Variants in NRG3 observed in about 807,000 individuals in gnomAD.
NRG3 encodes the protein neuregulin 3.
In NRG3, 31 loss-of-function variants were observed where a neutral mutation model predicts 66.9. The observed-to-expected ratio is 0.46, with a 90% CI of 0.35 to 0.63. NRG3 has a LOEUF of 0.63. Among genes scored for constraint, NRG3 ranks in the 20% least tolerant of loss-of-function variants. The pLI, the probability that NRG3 is intolerant of heterozygous loss-of-function variation, is 0.00. For missense variants in NRG3, 910 were observed against 878.9 expected (o/e 1.04, Z -0.45); for synonymous variants, 393 against 359.4 (o/e 1.09, Z -1.06).
At chr10:82,800,290 C>G (rs557494682) in intron 3 of NRG3, among the ~76,000 whole-genome samples, 2 of 152,314 alleles carry the variant, frequency 1.3e-5, no homozygotes, top group East Asian at 3.9e-4. Context: ...AGACATCTTA[C>G]ATTTGGTTAG....
At chr10:82,406,982 G>A (rs758472989) in intron 2 of NRG3, among the ~76,000 whole-genome samples, 41 of 151,712 alleles carry the variant, frequency 2.7e-4, no homozygotes, top group Non-Finnish European at 5.2e-4. Context: ...CATATCCAGG[G>A]TGTCTATAAA....
intron 1 of NRG3, among the ~76,000 whole-genome samples, chr10:82,164,075 C>A (rs1476539082): frequency 1.3e-5 from 2 of 151,912 alleles, no homozygotes; most frequent in Non-Finnish European, 2.9e-5. Context: ...CATGCACCAC[C>A]ATGTCTGGCT....
intron 2 of NRG3, among the ~76,000 whole-genome samples, chr10:82,635,625 G>A (rs561367942): frequency 3.9e-5 from 6 of 152,184 alleles, no homozygotes; most frequent in South Asian, 2.1e-4. Flanking sequence ...ATCTGTCCTC[G>A]ACGTAGCAGA....
At chr10:82,525,216 A>C (rs540869021) in intron 2 of NRG3, among the ~76,000 whole-genome samples, 6 of 151,938 alleles carry the variant, frequency 3.9e-5, no homozygotes, top group Non-Finnish European at 8.8e-5. Context: ...GGTACCTAAA[A>C]AAGTAAGTAG....
intron 2 of NRG3, among the ~76,000 whole-genome samples, chr10:82,625,143 T>C (rs1236229267): frequency 2.0e-5 from 3 of 151,990 alleles, no homozygotes; most frequent in South Asian, 4.1e-4. Flanking sequence ...CAACCCCATT[T>C]TAAAATGCCA....
At position 82,640,790 on chromosome 10, in the gene NRG3, G is replaced by C. The variant is rs527382616; in HGVS notation, c.954-97787G>C. Among the ~76,000 whole-genome samples the C allele has an allele frequency of 3.5e-4, 54 of 152,224 alleles. 1 individual carries two copies. In the South Asian group the frequency reaches 0.011, roughly 32 times the overall value. ...GTTAATTCATTAAGCTCTACTTCAAGTGGTAGATAAATAAGGTGCATTATT... is the reference window on the plus strand; with the variant it reads ...GTTAATTCATTAAGCTCTACTTCAACTGGTAGATAAATAAGGTGCATTATT... On this transcript the variant is annotated intron_variant, in intron 2 of 8. Coordinates refer to ENST00000372141, the MANE Select transcript of NRG3 (RefSeq NM_001010848.4).
chr10:82,719,151 T>C (rs2057146827), intron 2 of NRG3, among the ~76,000 whole-genome samples: 1 of 152,134 alleles, frequency 6.6e-6, no homozygotes, highest in African/African-American at 2.4e-5. Flanking sequence ...AATGGGAGTG[T>C]GTATACCTGT....
chr10:82,894,735 A>AT (rs946536317), intron 4 of NRG3, among the ~76,000 whole-genome samples: 43 of 150,524 alleles, frequency 2.9e-4, no homozygotes, highest in Admixed American at 2.0e-3. Context: ...CTCTACAATA[A>AT]TTTTTTTTTT....
At chr10:82,288,793 G>A (rs1293339652) in intron 1 of NRG3, among the ~76,000 whole-genome samples, 1 of 152,184 alleles carries the variant, frequency 6.6e-6, no homozygotes, top group Non-Finnish European at 1.5e-5. Context: ...GCACATCGGA[G>A]CATGCTGACT....
At chr10:82,174,276 A>G (rs1344839654) in intron 1 of NRG3, among the ~76,000 whole-genome samples, 1 of 152,036 alleles carries the variant, frequency 6.6e-6, no homozygotes, top group Admixed American at 6.6e-5. Flanking sequence ...GAAATTAACC[A>G]TTCTCCTTTA....
At chr10:82,671,721 G>T (rs897331851) in intron 2 of NRG3, among the ~76,000 whole-genome samples, 1 of 152,168 alleles carries the variant, frequency 6.6e-6, no homozygotes, top group African/African-American at 2.4e-5. Context: ...ACAGAGAGAT[G>T]AACCAACTCA....
intron 4 of NRG3, among the ~76,000 whole-genome samples, chr10:82,917,964 G>GTATATATATATA (rs1337255892): frequency 7.9e-5 from 7 of 88,052 alleles, no homozygotes; most frequent in Middle Eastern, 6.5e-3. Flanking sequence ...GTGTGTGTGT[G>GTATATATATATA]TGTGTGTATA....
At chr10:82,586,728 T>C (rs541630676) in intron 2 of NRG3, among the ~76,000 whole-genome samples, 1 of 152,272 alleles carries the variant, frequency 6.6e-6, no homozygotes, top group East Asian at 1.9e-4. Flanking sequence ...CTTTTGAAAT[T>C]AGAAAAATAA....
chr10:82,533,712 A>G (rs1465983087), intron 2 of NRG3, among the ~76,000 whole-genome samples: 2 of 151,882 alleles, frequency 1.3e-5, no homozygotes, highest in East Asian at 1.9e-4. Context: ...CACCATTTCT[A>G]TACAACAAAG....
chr10:82,684,685 T>A (rs949278973), intron 2 of NRG3, among the ~76,000 whole-genome samples: 3 of 152,180 alleles, frequency 2.0e-5, no homozygotes, highest in Non-Finnish European at 4.4e-5. Context: ...AAGTAATTAA[T>A]GGAGTACAAC....
chr10:82,024,629 A>C (rs1370374539), intron 1 of NRG3, among the ~76,000 whole-genome samples: 1 of 151,984 alleles, frequency 6.6e-6, no homozygotes, highest in Admixed American at 6.6e-5. Context: ...TAGAATGAGC[A>C]CTAGACTGAG....
intron 2 of NRG3, among the ~76,000 whole-genome samples, chr10:82,736,922 C>T (rs964135068): frequency 3.3e-5 from 5 of 152,048 alleles, no homozygotes; most frequent in Admixed American, 6.6e-5. Context: ...ATACGTAGGA[C>T]GTAATTCATT....
chr10:82,296,201 C>G (rs1007300130), intron 1 of NRG3, among the ~76,000 whole-genome samples: 1 of 152,072 alleles, frequency 6.6e-6, no homozygotes, highest in Non-Finnish European at 1.5e-5. Context: ...TCAGTGTGGC[C>G]GCAGCTCAGA....
At chr10:82,341,568 T>C (rs1231590387) in intron 1 of NRG3, among the ~76,000 whole-genome samples, 1 of 152,186 alleles carries the variant, frequency 6.6e-6, no homozygotes, top group Non-Finnish European at 1.5e-5. Context: ...CTATAAGTCC[T>C]AAGAACAGAT....
Sources: gnomAD v4.1 joint callset for allele counts (sites outside exome capture counted in the v4.1 genomes callset) on GRCh38, gnomAD v4.1.1 for gene constraint, MANE v1.5 for transcripts, NCBI Gene and HGNC (gene_info 2026-07-23, HGNC 2026-07-21) for gene names.